Variants in ZNF578 observed in about 807,000 individuals in gnomAD.
The protein encoded by ZNF578 is Putative chemokine-related protein B42.
ZNF578 carries 8 observed loss-of-function variants against 8.3 expected under a neutral mutation model. That is an observed-to-expected ratio of 0.96 (90% CI 0.56 to 1.74). The LOEUF is 1.74. Ranked by LOEUF, ZNF578 falls within the 40% of genes most tolerant of loss-of-function variation. The pLI, the probability that ZNF578 is intolerant of heterozygous loss-of-function variation, is 0.00. For synonymous variants in ZNF578, 206 were observed against 232.2 expected (o/e 0.89, Z 1.03); for missense variants, 726 against 707.5 (o/e 1.03, Z -0.30).
intron 5 of ZNF578, among the ~76,000 whole-genome samples, chr19:52,510,242 TC>T (rs2059439664): frequency 6.6e-6 from 1 of 152,164 alleles, no homozygotes; most frequent in Non-Finnish European, 1.5e-5. Flanking sequence ...ATTTTTCTCT[TC>T]CTTGATGTGA....
chr19:52,479,429 G>A (rs139613262), intron 2 of ZNF578, among the ~76,000 whole-genome samples: 2,137 of 151,866 alleles, frequency 0.014, 50 homozygotes, highest in African/African-American at 0.048. Flanking sequence ...CACCTACTTG[G>A]GAGGCTGAGG....
Position 52,504,672 on chromosome 19 carries a change from G to T in ZNF578, c.81G>T (p.Arg27Ser). ...CATTTTAGGGACGCTTGACTTTCAG[G>T]GATGTGGCTATAGAATTCTCATTGG... ...MALPQGRLTFRDVAIEFSLAE... is the reference protein window; with the variant it reads ...MALPQGRLTFSDVAIEFSLAE... The change falls in exon 5 of 6, where the codon AGG (arginine) becomes AGT (serine). Residue 27 changes from arginine to serine, a missense_variant. By Grantham distance (110) the Arg-to-Ser change is moderately radical. Transcript: ENST00000421239. 1 of 1,614,026 alleles carries T rather than the reference G, an allele frequency of 6.2e-7. No homozygotes were observed. The highest frequency in any genetic ancestry group is 8.5e-7 in the Non-Finnish European group (1 of 1,179,998).
At chr19:52,470,791 T>A (rs1015679508) in intron 2 of ZNF578, among the ~76,000 whole-genome samples, 26 of 152,204 alleles carry the variant, frequency 1.7e-4, no homozygotes, top group African/African-American at 5.1e-4. Flanking sequence ...ACTAGTGGCT[T>A]CCCAAGGGCT....
intron 3 of ZNF578, among the ~76,000 whole-genome samples, chr19:52,497,261 G>T (rs2122914595): frequency 6.6e-6 from 1 of 152,302 alleles, no homozygotes; most frequent in East Asian, 1.9e-4. Context: ...CACCCTCCCA[G>T]CTAATGTTTG....
At chr19:52,495,421 G>T (rs2059382430) in intron 3 of ZNF578, among the ~76,000 whole-genome samples, 1 of 147,836 alleles carries the variant, frequency 6.8e-6, no homozygotes, top group South Asian at 2.2e-4. Context: ...TTGTACTTCA[G>T]CGTGGGCAAT....
At chr19:52,498,183 G>A (rs972545870) in intron 3 of ZNF578, among the ~76,000 whole-genome samples, 16 of 152,146 alleles carry the variant, frequency 1.1e-4, no homozygotes, top group African/African-American at 3.9e-4. Flanking sequence ...TTGAGATGGA[G>A]TCTCGCTCTG....
rs376544097 is a variant in ZNF578, at chr19:52,510,871, C to T, written c.490C>T (p.Leu164Phe). The stretch of plus-strand genomic sequence containing the variant: ...GCTTGGATTAAGCTTTCATTTGCAT[C>T]TTCCTGAACTCCACATATTTCAGCC... ...DQLGLSFHLHLPELHIFQPEE... is the reference protein window; with the variant it reads ...DQLGLSFHLHFPELHIFQPEE... Residue 164 changes from leucine to phenylalanine, a missense_variant, in exon 6 of 6, where the codon CTT becomes TTT. Coordinates refer to ENST00000421239, the MANE Select transcript of ZNF578 (RefSeq NM_001099694.2). 3 of 1,614,062 alleles carry T rather than the reference C, an allele frequency of 1.9e-6. No homozygotes were observed. Among genetic ancestry groups the T allele is most frequent in the Non-Finnish European group, 2.5e-6 (3 of 1,180,034 alleles).
At chr19:52,477,850 C>G (rs2059313055) in intron 2 of ZNF578, among the ~76,000 whole-genome samples, 1 of 152,170 alleles carries the variant, frequency 6.6e-6, no homozygotes, top group South Asian at 2.1e-4. Context: ...AGGAATCTGA[C>G]ACTTGACTGC....
intron 2 of ZNF578, among the ~76,000 whole-genome samples, chr19:52,468,731 G>T (rs563587271): frequency 1.3e-5 from 2 of 152,328 alleles, no homozygotes; most frequent in East Asian, 1.9e-4. Context: ...TTGGCTGCCA[G>T]TGTGGCTAGA....
intron 2 of ZNF578, chr19:52,474,366 A>G (rs949938575): frequency 1.7e-5 from 5 of 288,902 alleles, no homozygotes; most frequent in Admixed American, 1.3e-4. Context: ...ATAAAGTGTG[A>G]ACTGTGAGTA....
chr19:52,470,722 T>G (rs1242948973), intron 2 of ZNF578, among the ~76,000 whole-genome samples: 3 of 152,134 alleles, frequency 2.0e-5, no homozygotes, highest in Non-Finnish European at 4.4e-5. Flanking sequence ...TTGCTTACAC[T>G]CCTCCTGCCC....
At chr19:52,497,702 T>C (rs2059391887) in intron 3 of ZNF578, among the ~76,000 whole-genome samples, 1 of 152,348 alleles carries the variant, frequency 6.6e-6, no homozygotes, top group Middle Eastern at 3.4e-3. Flanking sequence ...CTATGTGATA[T>C]ATGATGTTAG....
intron 2 of ZNF578, among the ~76,000 whole-genome samples, chr19:52,472,536 A>G (rs959593383): frequency 1.3e-5 from 2 of 152,192 alleles, no homozygotes; most frequent in African/African-American, 4.8e-5. Flanking sequence ...TATTCAGTTG[A>G]GGAGGTGGCC....
intron 5 of ZNF578, among the ~76,000 whole-genome samples, chr19:52,510,228 A>G (rs2059439590): frequency 1.3e-5 from 2 of 151,918 alleles, no homozygotes; most frequent in Admixed American, 1.3e-4. Context: ...TATGAAGAGT[A>G]TATATTTTTC....
At chr19:52,471,046 G>T (rs1313211173) in intron 2 of ZNF578, among the ~76,000 whole-genome samples, 1 of 152,132 alleles carries the variant, frequency 6.6e-6, no homozygotes, top group African/African-American at 2.4e-5. Flanking sequence ...ACTTCCTCCT[G>T]TTCTGGCCAT....
intron 3 of ZNF578, among the ~76,000 whole-genome samples, chr19:52,496,066 CTGGAG>C (rs2059385003): frequency 6.6e-6 from 1 of 152,114 alleles, no homozygotes; most frequent in Admixed American, 6.6e-5. Flanking sequence ...GTCACGCAGG[CTGGAG>C]TGGAGTGGAG....
intron 2 of ZNF578, chr19:52,473,962 C>G (rs1218087151): frequency 2.7e-6 from 1 of 371,242 alleles, no homozygotes; most frequent in Non-Finnish European, 5.4e-6. Flanking sequence ...GACTAAAGAT[C>G]TTACCACATT....
At chr19:52,471,865 A>C (rs1297996742) in intron 2 of ZNF578, among the ~76,000 whole-genome samples, 1 of 152,248 alleles carries the variant, frequency 6.6e-6, no homozygotes, top group Non-Finnish European at 1.5e-5. Context: ...TCAGTCTGCC[A>C]AAAGAAAACA....
chr19:52,515,556 C>A lies in ZNF578; in HGVS notation c.*3402C>A, dbSNP rs1309079922. ...CCAGGACCCCATGTAAGACTTTAGA[C>A]ACCTTCTCACTCATCTCAGACCTTC... On this transcript the variant is annotated 3_prime_UTR_variant, in exon 6 of 6. Transcript: ENST00000421239. Among the ~76,000 whole-genome samples, 1 of 152,124 alleles carries A rather than the reference C, an allele frequency of 6.6e-6. No individual in the cohort carries two copies. The highest frequency in any genetic ancestry group is 1.5e-5 in the Non-Finnish European group (1 of 68,028).
Sources: allele counts gnomAD v4.1 joint callset (sites outside exome capture counted in the v4.1 genomes callset), GRCh38; gene constraint gnomAD v4.1.1; transcripts MANE v1.5; gene names NCBI Gene and HGNC (gene_info 2026-07-23, HGNC 2026-07-21).